Variants in CLIP4 observed in about 807,000 individuals in gnomAD.
CLIP4 encodes the protein CAP-Gly domain containing linker protein family member 4.
Under a neutral mutation model 73.1 loss-of-function variants are expected in CLIP4, and 47 were observed. The observed-to-expected ratio is 0.64, with a 90% CI of 0.51 to 0.82. The LOEUF (loss-of-function observed/expected upper bound fraction) is 0.82. Ranked by LOEUF, CLIP4 falls within the 40% of genes least tolerant of loss-of-function variation. The pLI is 0.00. For missense variants in CLIP4, 874 were observed against 852.9 expected, an observed-to-expected ratio of 1.02 and a Z score of -0.31; for synonymous variants, 306 against 295.4, an observed-to-expected ratio of 1.04 and a Z score of -0.37.
At chr2:29,141,885 G>A (rs184902235) in intron 6 of CLIP4, among the ~76,000 whole-genome samples, 3 of 152,088 alleles carry the variant, frequency 2.0e-5, no homozygotes, top group African/African-American at 7.2e-5. Flanking sequence ...CCTTGATTGT[G>A]TAGTTGCTTT....
intron 2 of CLIP4, among the ~76,000 whole-genome samples, chr2:29,128,853 G>T (rs1664785232): frequency 6.6e-6 from 1 of 152,026 alleles, no homozygotes; most frequent in South Asian, 2.1e-4. Context: ...TGTAGATTGA[G>T]AAATCTATGT....
rs6754149 is a variant in CLIP4, at chr2:29,158,720, G to A, written c.1399+1373G>A. Among the ~76,000 whole-genome samples the A allele has an allele frequency of 6.4e-3, 974 of 152,300 alleles. 12 individuals carry two copies. Among genetic ancestry groups the A allele is most frequent in the African/African-American group, 0.022 (918 of 41,560 alleles). ...AAAGAAGAGTGGAAATAAAGGATTCGGGGAATGGGAAAGGTAGGGACCTCG... is the reference window on the plus strand; with the variant it reads ...AAAGAAGAGTGGAAATAAAGGATTCAGGGAATGGGAAAGGTAGGGACCTCG... On this transcript the variant is annotated intron_variant, in intron 11 of 15. Transcript: ENST00000320081.
Position 29,136,187 on chromosome 2 carries a change from TG to T in CLIP4, c.648+522del, listed in dbSNP as rs768709561. ...TAGTCTTCAGATCATTTGTTGTTGT[TG>T]TTTTTTTTTTTCAGAAAGTGTTCTG... is the stretch of plus-strand genomic sequence containing the variant. On this transcript the variant is annotated intron_variant, in intron 6 of 15. Coordinates refer to ENST00000320081, the MANE Select transcript of CLIP4 (RefSeq NM_024692.6). Among the ~76,000 whole-genome samples, 206 of 150,882 alleles carry T rather than the reference TG, an allele frequency of 1.4e-3. 1 individual carries two copies. Among genetic ancestry groups the T allele is most frequent in the African/African-American group, 4.6e-3 (187 of 40,814 alleles).
intron 10 of CLIP4, 61 bp downstream of exon 10, chr2:29,156,504 G>A: frequency 8.2e-7 from 1 of 1,221,652 alleles, no homozygotes; most frequent in South Asian, 1.4e-5. Flanking sequence ...TTTAAAATAT[G>A]GTAGGAAAAC....
intron 13 of CLIP4, among the ~76,000 whole-genome samples, chr2:29,166,217 T>G (rs1201876597): frequency 6.6e-6 from 1 of 152,120 alleles, no homozygotes; most frequent in East Asian, 1.9e-4. Flanking sequence ...GATGGAAGAA[T>G]TTTAAACTAG....
chr2:29,126,919 C>T lies in CLIP4; in HGVS notation c.134-4339C>T, dbSNP rs187844873. On this transcript the variant is annotated intron_variant, in intron 2 of 15. Transcript: ENST00000320081. ...AACTAGAGGAATTCAGGATCCAGTG[C>T]AGTTTATAGGTGGACAGTGCCTCAA... Among the ~76,000 whole-genome samples the T allele has an allele frequency of 1.3e-3, 192 of 152,254 alleles. 3 individuals carry two copies. The highest frequency in any genetic ancestry group is 4.5e-3 in the African/African-American group (189 of 41,554).
chr2:29,131,832 G>A (rs1306115317), intron 3 of CLIP4: 1 of 316,092 alleles, frequency 3.2e-6, no homozygotes, highest in East Asian at 6.6e-5. Flanking sequence ...TAGGAAGAGA[G>A]TGCTTATACT....
rs1667091670 is a variant in CLIP4, at chr2:29,158,614, T to C, written c.1399+1267T>C. On this transcript the variant is annotated intron_variant, in intron 11 of 15. Transcript: ENST00000320081. ...TTTCTCTAGTGAGTAGATATTCCAC[T>C]TGTTTTATAGATTTGCATTTGAGGG... 3.3e-5 allele frequency among the ~76,000 whole-genome samples: 5 copies of C among 152,130 alleles called. 1 individual carries two copies. The highest frequency in any genetic ancestry group is 3.3e-4 in the Admixed American group (5 of 15,270).
chr2:29,139,007 T>C (rs1000240143), intron 6 of CLIP4, among the ~76,000 whole-genome samples: 1 of 152,154 alleles, frequency 6.6e-6, no homozygotes, highest in Non-Finnish European at 1.5e-5. Flanking sequence ...TTTTCTTGCC[T>C]AATTACTCTG....
chr2:29,101,547 G>C (rs923576243), intron 1 of CLIP4, among the ~76,000 whole-genome samples: 7 of 152,142 alleles, frequency 4.6e-5, no homozygotes, highest in Non-Finnish European at 8.8e-5. Context: ...CATGCTGGCA[G>C]GTGATTAGAT....
At chr2:29,100,095 T>C (rs1424375710) in intron 1 of CLIP4, among the ~76,000 whole-genome samples, 3 of 152,216 alleles carry the variant, frequency 2.0e-5, no homozygotes, top group South Asian at 4.1e-4. Context: ...TACTGGCTAA[T>C]TTTTGTATTT....
intron 14 of CLIP4, among the ~76,000 whole-genome samples, chr2:29,174,099 A>G (rs1668178995): frequency 6.6e-6 from 1 of 152,006 alleles, no homozygotes; most frequent in Non-Finnish European, 1.5e-5. Flanking sequence ...TATATTCTGT[A>G]TACTTACCTT....
In CLIP4 at chr2:29,182,657, C is replaced by T. The variant is rs914784043; in HGVS notation, c.*764C>T. On this transcript the variant is annotated 3_prime_UTR_variant, in exon 16 of 16. Coordinates refer to ENST00000320081, the MANE Select transcript of CLIP4 (RefSeq NM_024692.6). Reference sequence around the variant, plus strand: ...AGATTTTTCTTCTGCTGCTTGACTGCTTCATCTGGATGAACTACAAAAAAC... The same window carrying T: ...AGATTTTTCTTCTGCTGCTTGACTGTTTCATCTGGATGAACTACAAAAAAC... The T allele has an allele frequency of 3.9e-5, 6 of 152,564 alleles. No homozygotes were observed. Among genetic ancestry groups the T allele is most frequent in the Non-Finnish European group, 7.4e-5 (5 of 68,024 alleles). 9.5% of individuals were successfully genotyped at this position (152,564 alleles called of 1,614,324 possible).
chr2:29,098,989 T>C (rs1241858257), intron 1 of CLIP4, among the ~76,000 whole-genome samples: 4 of 152,270 alleles, frequency 2.6e-5, no homozygotes, highest in Non-Finnish European at 5.9e-5. Context: ...CACATGCTTA[T>C]TTGCTATTTG....
At chr2:29,122,143 A>G (rs777310578) in intron 2 of CLIP4, among the ~76,000 whole-genome samples, 2 of 152,110 alleles carry the variant, frequency 1.3e-5, no homozygotes, top group African/African-American at 2.4e-5. Flanking sequence ...CAATTTTTAC[A>G]TATTAGTAGA....
chr2:29,110,570 A>C (rs1668359732), upstream of CLIP4, among the ~76,000 whole-genome samples: 1 of 152,200 alleles, frequency 6.6e-6, no homozygotes, highest in East Asian at 1.9e-4. Context: ...AACATGTTCT[A>C]TTTGTGATAT....
intron 13 of CLIP4, among the ~76,000 whole-genome samples, chr2:29,165,560 C>A (rs1424513980): frequency 6.6e-6 from 1 of 152,192 alleles, no homozygotes; most frequent in African/African-American, 2.4e-5. Context: ...TCAGGACATA[C>A]ATCTTGTAAA....
chr2:29,139,269 C>T (rs1486019268), intron 6 of CLIP4, among the ~76,000 whole-genome samples: 2 of 151,790 alleles, frequency 1.3e-5, no homozygotes, highest in Non-Finnish European at 2.9e-5. Flanking sequence ...GATGATCCTA[C>T]AGTTTTTAAT....
At chr2:29,176,649 A>G (rs888511676) in intron 15 of CLIP4, among the ~76,000 whole-genome samples, 26 of 152,158 alleles carry the variant, frequency 1.7e-4, no homozygotes, top group African/African-American at 5.8e-4. Flanking sequence ...AGATTTTACC[A>G]TGGTCGTCAG....
Sources: allele counts gnomAD v4.1 joint callset (sites outside exome capture counted in the v4.1 genomes callset), GRCh38; gene constraint gnomAD v4.1.1; transcripts MANE v1.5; gene names NCBI Gene and HGNC (gene_info 2026-07-23, HGNC 2026-07-21).